The following CDC27 variants were observed in gnomAD, a reference collection of about 807,000 sequenced individuals.
CDC27 encodes cell division cycle protein 27 homolog.
Under a neutral mutation model 109.7 loss-of-function variants are expected in CDC27, and 27 were observed. The observed-to-expected ratio is 0.25, with a 90% CI of 0.18 to 0.34. CDC27 has a LOEUF of 0.34. Ranked by LOEUF, CDC27 falls within the 10% of genes least tolerant of loss-of-function variation. The probability of loss-of-function intolerance (pLI) is 1.00; values close to 1 mark genes in which losing one functional copy is unlikely to be tolerated. For synonymous variants in CDC27, 266 were observed against 333.9 expected, an observed-to-expected ratio of 0.80 and a Z score of 2.22; for missense variants, 579 against 960.2, an observed-to-expected ratio of 0.60 and a Z score of 5.25.
chr17:47,156,444 A>G (rs1331845295), intron 7 of CDC27, among the ~76,000 whole-genome samples: 1 of 136,730 alleles, frequency 7.3e-6, no homozygotes, highest in Non-Finnish European at 1.6e-5. Flanking sequence ...GGCCAGTCCA[A>G]TATTCAATAT....
intron 9 of CDC27, among the ~76,000 whole-genome samples, chr17:47,149,094 A>AC (rs2063070143): frequency 6.6e-6 from 1 of 151,602 alleles, no homozygotes; most frequent in African/African-American, 2.4e-5. Flanking sequence ...AAAAAAAAAA[A>AC]AAGAAAAAGA....
rs1357352041 is a variant in CDC27 at position 47,138,838 on chromosome 17, G to A, written c.1605C>T (p.Gly535=). 8 of 1,604,620 alleles carry A rather than the reference G, an allele frequency of 5.0e-6. No homozygotes were observed. In the Admixed American group the frequency reaches 1.3e-4, roughly 27 times the overall value. Residue 535 remains glycine (G), a synonymous_variant, in exon 13 of 19, where the codon GGC becomes GGT. Transcript: ENST00000066544. ...VRRIENYRVE[G]MEIYSTTLWH... ...AAAGTGTTGTAGAGTAGATCTCCATGCCTTCAACTCTATAATTCTCAATCC... is the reference window on the plus strand; with the variant it reads ...AAAGTGTTGTAGAGTAGATCTCCATACCTTCAACTCTATAATTCTCAATCC...
At chr17:47,152,807 T>C (rs1055763850) in intron 8 of CDC27, among the ~76,000 whole-genome samples, 8 of 152,236 alleles carry the variant, frequency 5.3e-5, no homozygotes, top group Non-Finnish European at 8.8e-5. Context: ...AAACTTTGTG[T>C]TACTTCCAAA....
Position 47,170,140 on chromosome 17 carries a change from A to T in CDC27, c.252-98T>A, listed in dbSNP as rs11570475. ...CCAAAGTGCATCTAACTATGGAGAC[A>T]CAAATTTTTTCTCTCTCTCTCTTTC... On this transcript the variant is annotated intron_variant, in intron 3 of 18. Coordinates refer to ENST00000066544, the MANE Select transcript of CDC27 (RefSeq NM_001256.6). 334 of 897,960 alleles carry T rather than the reference A, an allele frequency of 3.7e-4. 1 individual carries two copies. In the African/African-American group the frequency reaches 5.3e-3, roughly 14 times the overall value. 55.6% of individuals were successfully genotyped at this position (897,960 alleles called of 1,614,324 possible).
In CDC27 at chr17:47,133,028, T is replaced by TACACACACAC. The variant is rs71138587; in HGVS notation, c.1914-664_1914-655dup. On this transcript the variant is annotated intron_variant, in intron 14 of 18. Transcript: ENST00000066544. ...ATATATATATATATATATATATATA[T>TACACACACAC]ACACACACACACACACACACACACA... 2.0e-3 allele frequency among the ~76,000 whole-genome samples: 61 copies of TACACACACAC among 29,818 alleles called. 1 individual carries two copies. Among genetic ancestry groups the TACACACACAC allele is most frequent in the East Asian group, 6.5e-3 (7 of 1,076 alleles). 19.6% of individuals were successfully genotyped at this position (29,818 alleles called of 152,430 possible). A position where few individuals can be genotyped will look rare whatever the true frequency, so the allele number is the denominator to read the frequency against.
At chr17:47,143,071 C>G (rs774955218) in intron 10 of CDC27, among the ~76,000 whole-genome samples, 1 of 152,106 alleles carries the variant, frequency 6.6e-6, no homozygotes, top group Non-Finnish European at 1.5e-5. Flanking sequence ...TCCCCAGGCT[C>G]AAGTGATTCT....
At chr17:47,132,987 G>GAATATATATATATA (rs2062401422) in intron 14 of CDC27, among the ~76,000 whole-genome samples, 1 of 48,614 alleles carries the variant, frequency 2.1e-5, no homozygotes, top group Non-Finnish European at 3.8e-5. Context: ...TTGCCCAGGC[G>GAATATATATATATA]CATATATATA....
intron 4 of CDC27, among the ~76,000 whole-genome samples, chr17:47,167,234 T>G (rs2063677628): frequency 6.6e-6 from 1 of 152,254 alleles, no homozygotes. Flanking sequence ...TTTTATTATC[T>G]AATGCAACTT....
chr17:47,177,304 C>A (rs2064052811), intron 2 of CDC27, among the ~76,000 whole-genome samples: 1 of 152,164 alleles, frequency 6.6e-6, no homozygotes, highest in African/African-American at 2.4e-5. Context: ...AGACCGGATA[C>A]AGTGGCTCCC....
intron 9 of CDC27, among the ~76,000 whole-genome samples, chr17:47,149,970 C>G (rs1358539626): frequency 6.7e-6 from 1 of 149,698 alleles, no homozygotes; most frequent in Non-Finnish European, 1.5e-5. Flanking sequence ...AAAACAAAAA[C>G]AAAAACAAAA....
chr17:47,175,045 G>A (rs1348848467), intron 2 of CDC27, among the ~76,000 whole-genome samples: 1 of 56,518 alleles, frequency 1.8e-5, no homozygotes, highest in Admixed American at 2.0e-4. Flanking sequence ...GAGAGAGGAA[G>A]GAAGGAAGGA....
rs370098078 is a variant in CDC27 at position 47,122,427 on chromosome 17, A to G, written c.2392+17T>C. 3.4e-5 allele frequency: 51 copies of G among 1,509,678 alleles called. No individual in the cohort carries two copies. The highest frequency in any genetic ancestry group is 4.4e-5 in the Non-Finnish European group (49 of 1,118,922). The allele number at this position is 1,509,678 out of a possible 1,614,324, so 93.5% of individuals were successfully genotyped here. A position where few individuals can be genotyped will look rare whatever the true frequency, so the allele number is the denominator to read the frequency against. ...GGTAACTTTCTAAATACTCAAAATC[A>G]TATGTATGATACTTACTGATCTGTT... On this transcript the variant is annotated intron_variant, in intron 18 of 18. Transcript: ENST00000066544.
intron 8 of CDC27, among the ~76,000 whole-genome samples, chr17:47,153,714 C>T (rs1434754347): frequency 1.3e-5 from 2 of 152,004 alleles, no homozygotes; most frequent in Non-Finnish European, 2.9e-5. Flanking sequence ...CAGAAGTTAC[C>T]TTGTGCCACA....
chr17:47,181,230 G>A (rs2064215011), intron 2 of CDC27: 2 of 135,218 alleles, frequency 1.5e-5, no homozygotes, highest in African/African-American at 3.0e-5. Flanking sequence ...ACTCCAACAT[G>A]GGTGACAGAG....
At chr17:47,132,146 A>G in intron 15 of CDC27, 111 bp downstream of exon 15, 1 of 618,790 alleles carries the variant, frequency 1.6e-6, no homozygotes, top group South Asian at 2.4e-5. Flanking sequence ...AGGCTCCAGA[A>G]TACTGTTTCA....
intron 14 of CDC27, among the ~76,000 whole-genome samples, chr17:47,136,290 T>C (rs1304187148): frequency 2.0e-5 from 3 of 152,232 alleles, no homozygotes; most frequent in Non-Finnish European, 4.4e-5. Context: ...TTTCAGGCAA[T>C]GTAACTACTA....
intron 4 of CDC27, among the ~76,000 whole-genome samples, chr17:47,164,650 C>T (rs2063591629): frequency 6.6e-6 from 1 of 152,150 alleles, no homozygotes; most frequent in Non-Finnish European, 1.5e-5. Context: ...AACCCCGTCT[C>T]TACTAAAAAT....
chr17:47,124,322 C>G (rs76000968), intron 16 of CDC27, among the ~76,000 whole-genome samples: 18 of 151,694 alleles, frequency 1.2e-4, no homozygotes, highest in Non-Finnish European at 1.8e-4. Flanking sequence ...CTCGCTCTGT[C>G]GCCCAGGCTG....
rs1251487539 is a variant in CDC27, at chr17:47,119,838, C to T, written c.*1097G>A. On this transcript the variant is annotated 3_prime_UTR_variant, in exon 19 of 19. Coordinates refer to ENST00000066544, the MANE Select transcript of CDC27 (RefSeq NM_001256.6). ...TTCCAACATCCTAAACCCAATTACT[C>T]TTAGTAAATGTTTTGGTGACTCACA... is the stretch of plus-strand genomic sequence containing the variant. 1 of 152,112 alleles carries T rather than the reference C, an allele frequency of 6.6e-6. No homozygotes were observed. Among genetic ancestry groups the T allele is most frequent in the East Asian group, 1.9e-4 (1 of 5,198 alleles). 9.4% of individuals were successfully genotyped at this position (152,112 alleles called of 1,614,324 possible).
Sources: allele counts gnomAD v4.1 joint callset (sites outside exome capture counted in the v4.1 genomes callset), GRCh38; gene constraint gnomAD v4.1.1; transcripts MANE v1.5; gene names NCBI Gene and HGNC (gene_info 2026-07-23, HGNC 2026-07-21).